Variants in RMDN2 observed in about 807,000 individuals in gnomAD.
RMDN2 encodes regulator of microtubule dynamics 2, also known as regulator of microtubule dynamics protein 2.
RMDN2 carries 61 observed loss-of-function variants against 52.8 expected under a neutral mutation model. That is an observed-to-expected ratio of 1.16 (90% confidence interval 0.94 to 1.43). RMDN2 has a LOEUF of 1.43. Ranked by LOEUF, RMDN2 falls within the 40% of genes most tolerant of loss-of-function variation. The pLI, the probability that RMDN2 is intolerant of heterozygous loss-of-function variation, is 0.00. For synonymous variants in RMDN2, 180 were observed against 153.1 expected, an observed-to-expected ratio of 1.18 and a Z score of -1.30; for missense variants, 592 against 475.3, an observed-to-expected ratio of 1.25 and a Z score of -2.28.
chr2:38,026,106 G>A (rs566605028), intron 10 of RMDN2, among the ~76,000 whole-genome samples: 3 of 152,162 alleles, frequency 2.0e-5, no homozygotes, highest in African/African-American at 7.2e-5. Context: ...AAGTTTTCAA[G>A]TACAATTTCA....
At chr2:38,012,713 A>C in intron 10 of RMDN2, 1 of 395,310 alleles carries the variant, frequency 2.5e-6, no homozygotes, top group South Asian at 2.0e-5. Flanking sequence ...GTTATATGTA[A>C]TACCCCTCCA....
intron 2 of RMDN2, among the ~76,000 whole-genome samples, chr2:37,955,151 T>A (rs1342372634): frequency 6.6e-6 from 1 of 152,122 alleles, no homozygotes; most frequent in African/African-American, 2.4e-5. Flanking sequence ...CAGAGGATAC[T>A]TTTGCTTCTT....
intron 2 of RMDN2, among the ~76,000 whole-genome samples, chr2:37,933,885 T>C (rs1191210483): frequency 1.3e-5 from 2 of 152,326 alleles, no homozygotes; most frequent in African/African-American, 2.4e-5. Flanking sequence ...ATAAATAAAA[T>C]ATTTTTCAGA....
intron 10 of RMDN2, among the ~76,000 whole-genome samples, chr2:38,005,659 T>G (rs1157122334): frequency 6.6e-6 from 1 of 152,258 alleles, no homozygotes; most frequent in African/African-American, 2.4e-5. Context: ...GGTTGCCGGT[T>G]CACTCTGTTG....
intron 10 of RMDN2, among the ~76,000 whole-genome samples, chr2:38,033,513 T>C (rs938974046): frequency 1.3e-5 from 2 of 152,214 alleles, no homozygotes; most frequent in African/African-American, 4.8e-5. Flanking sequence ...CAGTCATGAG[T>C]TCTCTGACCT....
chr2:37,933,423 C>T (rs2124903133), intron 2 of RMDN2, among the ~76,000 whole-genome samples: 1 of 152,344 alleles, frequency 6.6e-6, no homozygotes, highest in African/African-American at 2.4e-5. Context: ...AGGCAGGCGG[C>T]TGGGAGGTGG....
At chr2:37,962,183 G>A (rs1384256440) in intron 2 of RMDN2, among the ~76,000 whole-genome samples, 1 of 152,234 alleles carries the variant, frequency 6.6e-6, no homozygotes, top group African/African-American at 2.4e-5. Flanking sequence ...GGACTCACTT[G>A]AGGAGGCAAT....
intron 6 of RMDN2, among the ~76,000 whole-genome samples, chr2:37,990,104 C>T (rs1674566241): frequency 6.8e-6 from 1 of 147,882 alleles, no homozygotes; most frequent in South Asian, 2.1e-4. Context: ...GGTCACGCCA[C>T]TGCACTCCAG....
chr2:38,053,737 T>C (rs1681729723), intron 10 of RMDN2, among the ~76,000 whole-genome samples: 1 of 152,224 alleles, frequency 6.6e-6, no homozygotes, highest in African/African-American at 2.4e-5. Flanking sequence ...TCAGTGGTTC[T>C]CAAATCTGGC....
At chr2:38,060,904 G>A (rs1682018795) in intron 10 of RMDN2, among the ~76,000 whole-genome samples, 1 of 152,200 alleles carries the variant, frequency 6.6e-6, no homozygotes, top group Non-Finnish European at 1.5e-5. Flanking sequence ...CCACTGGGAT[G>A]AGGGTGGAAA....
At position 37,996,255 on chromosome 2, in the gene RMDN2, A is replaced by T. The variant is rs544384452; in HGVS notation, c.946-1161A>T. ...GCAAAAATAAGCATACGAATAAGAA[A>T]AATTATGTCAAAAAATAAGGAAATA... On this transcript the variant is annotated intron_variant, in intron 7 of 10. Coordinates refer to ENST00000354545, the MANE Select transcript of RMDN2 (RefSeq NM_001170791.3). 1.1e-4 allele frequency among the ~76,000 whole-genome samples: 16 copies of T among 152,300 alleles called. No individual in the cohort carries two copies. The East Asian group carries it at 1.2e-3, about 11-fold the overall frequency.
chr2:38,053,745 GGCTGCA>G (rs1209423651), intron 10 of RMDN2, among the ~76,000 whole-genome samples: 8 of 151,990 alleles, frequency 5.3e-5, no homozygotes, highest in Non-Finnish European at 1.2e-4. Flanking sequence ...TCTCAAATCT[GGCTGCA>G]TATTAGCATT....
chr2:37,963,720 T>C (rs1439195124), intron 2 of RMDN2, among the ~76,000 whole-genome samples: 1 of 152,216 alleles, frequency 6.6e-6, no homozygotes, highest in Non-Finnish European at 1.5e-5. Flanking sequence ...TACTTCTTTC[T>C]ACACAGACAC....
downstream of RMDN2, among the ~76,000 whole-genome samples, chr2:38,020,553 C>T (rs941591453): frequency 6.6e-6 from 1 of 152,220 alleles, no homozygotes; most frequent in African/African-American, 2.4e-5. Flanking sequence ...CCGGCGCTTG[C>T]GGGCCAGCTG....
At chr2:37,973,761 G>GAGGTT (rs1672101126) in intron 2 of RMDN2, among the ~76,000 whole-genome samples, 1 of 152,046 alleles carries the variant, frequency 6.6e-6, no homozygotes, top group African/African-American at 2.4e-5. Context: ...TCCGAGGTAG[G>GAGGTT]CACGTGATTA....
rs7560148 is a variant in RMDN2, at chr2:38,005,845, G to T, written c.1179+1629G>T. Among the ~76,000 whole-genome samples the T allele has an allele frequency of 2.1e-3, 313 of 152,222 alleles. 5 individuals carry two copies. Among genetic ancestry groups the T allele is most frequent in the African/African-American group, 6.9e-3 (287 of 41,554 alleles). ...GTTTTTATGGTTTTAGGTCTAACATGTAAGTCTTTAATCCATCTTGAATTA... is the reference window on the plus strand; with the variant it reads ...GTTTTTATGGTTTTAGGTCTAACATTTAAGTCTTTAATCCATCTTGAATTA... On this transcript the variant is annotated intron_variant, in intron 10 of 10. Coordinates refer to ENST00000354545, the MANE Select transcript of RMDN2 (RefSeq NM_001170791.3).
At chr2:37,937,016 T>TA (rs1263973030) in intron 2 of RMDN2, among the ~76,000 whole-genome samples, 10 of 152,254 alleles carry the variant, frequency 6.6e-5, no homozygotes, top group Non-Finnish European at 1.2e-4. Context: ...CTAGGGTTTT[T>TA]ATGGTTTTCA....
rs1473786989 is a variant in RMDN2 at position 38,004,232 on chromosome 2, G to A, written c.1179+16G>A. On this transcript the variant is annotated intron_variant, in intron 10 of 10. Transcript: ENST00000354545. ...TACCAAAGAGGTAAGTCCAGAAAGT[G>A]ACAGTGAGTGCTGTTGTCTTGTTAG... 6.4e-7 allele frequency: 1 copy of A among 1,563,822 alleles called. No homozygotes were observed. Among genetic ancestry groups the A allele is most frequent in the African/African-American group, 1.4e-5 (1 of 73,914 alleles).
intron 2 of RMDN2, among the ~76,000 whole-genome samples, chr2:37,931,336 G>T (rs1035122237): frequency 6.6e-6 from 1 of 152,208 alleles, no homozygotes; most frequent in African/African-American, 2.4e-5. Context: ...AAAAATCCCA[G>T]TATAGCATTG....
Sources: allele counts gnomAD v4.1 joint callset (sites outside exome capture counted in the v4.1 genomes callset), GRCh38; gene constraint gnomAD v4.1.1; transcripts MANE v1.5; gene names NCBI Gene and HGNC (gene_info 2026-07-23, HGNC 2026-07-21).